DYRK1A: variants seen among roughly 807,000 people sequenced by gnomAD.
DYRK1A encodes dual specificity tyrosine phosphorylation regulated kinase 1A, also known as dual specificity tyrosine-phosphorylation-regulated kinase 1A.
A neutral mutation model predicts 79.7 loss-of-function variants in DYRK1A; 9 were observed. The ratio of observed to expected loss-of-function variants is 0.11; its 90% CI spans 0.07 to 0.20. The LOEUF (loss-of-function observed/expected upper bound fraction) is 0.20. Ranked by LOEUF, DYRK1A falls within the 10% of genes least tolerant of loss-of-function variation. DYRK1A has a pLI of 1.00. For missense variants in DYRK1A, 622 were observed against 956.0 expected (o/e 0.65, Z 4.61); for synonymous variants, 349 against 329.7 (o/e 1.06, Z -0.63).
intron 3 of DYRK1A, among the ~76,000 whole-genome samples, chr21:37,476,221 T>C (rs1774034807): frequency 6.6e-6 from 1 of 152,196 alleles, no homozygotes; most frequent in Non-Finnish European, 1.5e-5. Context: ...TCAAGTTCTT[T>C]AACGTTGGAG....
intron 2 of DYRK1A, among the ~76,000 whole-genome samples, chr21:37,439,363 G>T (rs1413348894): frequency 6.6e-6 from 1 of 152,218 alleles, no homozygotes; most frequent in Non-Finnish European, 1.5e-5. Flanking sequence ...TTGAATAGAA[G>T]TAGTGAAAGA....
chr21:37,485,353 C>A (rs1430421328), intron 5 of DYRK1A, among the ~76,000 whole-genome samples: 1 of 152,106 alleles, frequency 6.6e-6, no homozygotes, highest in Non-Finnish European at 1.5e-5. Flanking sequence ...CAAGGGTAGC[C>A]TCTGTTATAA....
At chr21:37,380,634 T>C (rs2049637684) in intron 1 of DYRK1A, among the ~76,000 whole-genome samples, 1 of 151,834 alleles carries the variant, frequency 6.6e-6, no homozygotes, top group South Asian at 2.1e-4. Context: ...TGTGGGCCTA[T>C]AGGGAAGGTC....
chr21:37,477,394 C>A (rs560339863), intron 3 of DYRK1A, among the ~76,000 whole-genome samples: 1 of 152,220 alleles, frequency 6.6e-6, no homozygotes, highest in Non-Finnish European at 1.5e-5. Flanking sequence ...AGGCATGGCA[C>A]TTGCTGGAGC....
At position 37,404,982 on chromosome 21, in the gene DYRK1A, AT is replaced by A. The variant is rs1309008805; in HGVS notation, c.-76-15316del. ...AAGTATCCAGCGTCATGATTCCAGA[AT>A]ACAGTTTTGCTCTTACGGCATGTAC... On this transcript the variant is annotated intron_variant, in intron 1 of 11. Coordinates refer to ENST00000647188, the MANE Select transcript of DYRK1A (RefSeq NM_001347721.2). Among the ~76,000 whole-genome samples, 7 of 152,218 alleles carry A rather than the reference AT, an allele frequency of 4.6e-5. No homozygotes were observed. In the East Asian group the frequency reaches 1.2e-3, roughly 25 times the overall value.
intron 7 of DYRK1A, 66 bp downstream of exon 7, chr21:37,490,527 G>C (rs1345063519): frequency 4.6e-6 from 6 of 1,300,036 alleles, no homozygotes; most frequent in Non-Finnish European, 5.0e-6. Context: ...GACAGTGTAG[G>C]TATTAGGTTG....
chr21:37,525,634 GTAT>G lies in DYRK1A; in HGVS notation c.*13108_*13110del, dbSNP rs2053962802. The G allele has an allele frequency of 6.6e-6, 1 of 152,216 alleles. No individual in the cohort carries two copies. The highest frequency in any genetic ancestry group is 2.1e-4 in the South Asian group (1 of 4,830). 9.4% of individuals were successfully genotyped at this position (152,216 alleles called of 1,614,324 possible). A position where few individuals can be genotyped will look rare whatever the true frequency, so the allele number is the denominator to read the frequency against. The stretch of plus-strand genomic sequence containing the variant: ...TGTTAAAGCCTATAGATTATTCATT[GTAT>G]TATTTAAGTCAACAGATACTTTGTG... On this transcript the variant is annotated 3_prime_UTR_variant, in exon 12 of 12. Coordinates refer to ENST00000647188, the MANE Select transcript of DYRK1A (RefSeq NM_001347721.2).
intron 6 of DYRK1A, 187 bp downstream of exon 6, chr21:37,486,801 A>G (rs2052886234): frequency 6.3e-6 from 3 of 474,392 alleles, no homozygotes; most frequent in African/African-American, 4.0e-5. Context: ...ATCTTGGGGA[A>G]TGTGCCTTCC....
chr21:37,524,341 A>G lies in DYRK1A; in HGVS notation c.*11810A>G, dbSNP rs746616106. 7 of 152,228 alleles carry G rather than the reference A, an allele frequency of 4.6e-5. No homozygotes were observed. The highest frequency in any genetic ancestry group is 8.8e-5 in the Non-Finnish European group (6 of 68,036). The allele number at this position is 152,228 out of a possible 1,614,324, so 9.4% of individuals were successfully genotyped here. A position where few individuals can be genotyped will look rare whatever the true frequency, so the allele number is the denominator to read the frequency against. On this transcript the variant is annotated 3_prime_UTR_variant, in exon 12 of 12. Transcript: ENST00000647188. ...CTCATCAAGATATTTCTAATTCACA[A>G]GAAAGCAATGGTCAGAAAAATTAGA... is the stretch of plus-strand genomic sequence containing the variant.
chr21:37,387,056 A>G (rs1053531347), intron 1 of DYRK1A, among the ~76,000 whole-genome samples: 8 of 152,172 alleles, frequency 5.3e-5, no homozygotes, highest in Non-Finnish European at 1.0e-4. Flanking sequence ...GGCACTGGGC[A>G]TGCTTTCCTT....
rs188634135 is a variant in DYRK1A, at chr21:37,440,231, G to A, written c.10+19847G>A. ...GTTCACTGCAACCTCCGCCCCCTGG[G>A]TTCAAGTGATTCTCCTGCCTCAGCC... is the stretch of plus-strand genomic sequence containing the variant. On this transcript the variant is annotated intron_variant, in intron 2 of 11. Coordinates refer to ENST00000647188, the MANE Select transcript of DYRK1A (RefSeq NM_001347721.2). Among the ~76,000 whole-genome samples, 519 of 141,930 alleles carry A rather than the reference G, an allele frequency of 3.7e-3. 2 individuals are homozygous for A. Among genetic ancestry groups the A allele is most frequent in the Admixed American group, 9.1e-3 (121 of 13,230 alleles). The allele number at this position is 141,930 out of a possible 152,430, so 93.1% of individuals were successfully genotyped here. A position where few individuals can be genotyped will look rare whatever the true frequency, so the allele number is the denominator to read the frequency against.
chr21:37,497,209 A>G (rs907171161), intron 9 of DYRK1A, among the ~76,000 whole-genome samples: 1 of 152,174 alleles, frequency 6.6e-6, no homozygotes, highest in African/African-American at 2.4e-5. Context: ...GATCGCCTTA[A>G]TTCACCTCCA....
At chr21:37,408,205 C>G (rs1193498215) in intron 1 of DYRK1A, among the ~76,000 whole-genome samples, 2 of 152,158 alleles carry the variant, frequency 1.3e-5, no homozygotes, top group African/African-American at 4.8e-5. Context: ...GTCACTGATT[C>G]TTTAAATTTC....
At chr21:37,397,732 A>C (rs185041995) in intron 1 of DYRK1A, among the ~76,000 whole-genome samples, 1 of 151,932 alleles carries the variant, frequency 6.6e-6, no homozygotes, top group African/African-American at 2.4e-5. Context: ...GGAGATTCTG[A>C]TGGTTGTGTT....
In DYRK1A at chr21:37,380,725, T is replaced by TA. The variant is rs74674029; in HGVS notation, c.-77+13109dup. Among the ~76,000 whole-genome samples the TA allele has an allele frequency of 9.6e-3, 1,381 of 143,126 alleles. 8 individuals are homozygous for TA. The highest frequency in any genetic ancestry group is 0.012 in the African/African-American group (464 of 39,252). 93.9% of individuals were successfully genotyped at this position (143,126 alleles called of 152,430 possible). ...ATAGATGAACAAGAATTGTCTCTCC[T>TA]AAAAAAAAAAAACCTACACAATTAT... On this transcript the variant is annotated intron_variant, in intron 1 of 11. Transcript: ENST00000647188.
Position 37,525,749 on chromosome 21 carries a change from G to A in DYRK1A, c.*13218G>A, listed in dbSNP as rs1027488051. On this transcript the variant is annotated 3_prime_UTR_variant, in exon 12 of 12. Coordinates refer to ENST00000647188, the MANE Select transcript of DYRK1A (RefSeq NM_001347721.2). ...GCTCTTGTGGACTTCACTATCAACA[G>A]CTCTCATGAATTTTTGTCAGAAATA... 1 of 152,178 alleles carries A rather than the reference G, an allele frequency of 6.6e-6. No individual in the cohort carries two copies. Among genetic ancestry groups the A allele is most frequent in the African/African-American group, 2.4e-5 (1 of 41,444 alleles). The allele number at this position is 152,178 out of a possible 1,614,324, so 9.4% of individuals were successfully genotyped here.
chr21:37,414,934 A>ACATATTTT (rs1173786638), intron 1 of DYRK1A, among the ~76,000 whole-genome samples: 2 of 152,200 alleles, frequency 1.3e-5, no homozygotes, highest in Non-Finnish European at 2.9e-5. Context: ...ACATATTTTG[A>ACATATTTT]GTTAGTAACA....
chr21:37,424,909 C>T (rs555504850), intron 2 of DYRK1A, among the ~76,000 whole-genome samples: 1 of 152,086 alleles, frequency 6.6e-6, no homozygotes, highest in South Asian at 2.1e-4. Flanking sequence ...ATTTATTTTT[C>T]TCAGCATTGA....
At chr21:37,443,556 T>A (rs1432154583) in intron 2 of DYRK1A, among the ~76,000 whole-genome samples, 9 of 152,224 alleles carry the variant, frequency 5.9e-5, no homozygotes, top group Admixed American at 5.9e-4. Flanking sequence ...AATAGTTTGA[T>A]CTTTGAGTCT....
Sources: allele counts gnomAD v4.1 joint callset (sites outside exome capture counted in the v4.1 genomes callset), GRCh38; gene constraint gnomAD v4.1.1; transcripts MANE v1.5; gene names NCBI Gene and HGNC (gene_info 2026-07-23, HGNC 2026-07-21).